ZNF282: variants seen among roughly 807,000 people sequenced by gnomAD.
The protein encoded by ZNF282 is HTLV-I U5 repressive element-binding protein 1.
Under a neutral mutation model 61.9 loss-of-function variants are expected in ZNF282, and 30 were observed. The ratio of observed to expected loss-of-function variants is 0.48; its 90% CI spans 0.36 to 0.66. The LOEUF is 0.66. Among genes scored for constraint, ZNF282 ranks in the 30% least tolerant of loss-of-function variants. The probability of loss-of-function intolerance (pLI) is 0.00; values close to 1 mark genes in which losing one functional copy is unlikely to be tolerated. For missense variants in ZNF282, 788 were observed against 941.4 expected (o/e 0.84, Z 2.13); for synonymous variants, 396 against 405.0 (o/e 0.98, Z 0.27).
intron 6 of ZNF282, among the ~76,000 whole-genome samples, chr7:149,213,326 G>A (rs1022658522): frequency 7.2e-5 from 11 of 152,190 alleles, no homozygotes; most frequent in Non-Finnish European, 1.5e-4. Context: ...CTCTGCCATC[G>A]CTGGTTTCTA....
chr7:149,196,101 C>G (rs761106412), intron 1 of ZNF282, among the ~76,000 whole-genome samples: 1 of 152,070 alleles, frequency 6.6e-6, no homozygotes, highest in Non-Finnish European at 1.5e-5. Context: ...CCCTTTGCGC[C>G]CGGCCGGCGG....
At position 149,224,584 on chromosome 7, in the gene ZNF282, G is replaced by A. The variant is rs149955526; in HGVS notation, c.1953G>A (p.Val651=). Residue 651 remains valine (V), a synonymous_variant, in exon 8 of 8, where the codon GTG becomes GTA. Coordinates refer to ENST00000610704, the MANE Select transcript of ZNF282 (RefSeq NM_003575.4). ...AGTCGCTCAAGGACCACCTGCGCGT[G>A]CACAGCGGCGGCCCGGGCCCCGGCG... is the stretch of plus-strand genomic sequence containing the variant. The part of the protein sequence containing the change: ...YKESLKDHLR[V]HSGGPGPGAP... The A allele has an allele frequency of 3.8e-5, 60 of 1,585,690 alleles. No homozygotes were observed. Among genetic ancestry groups the A allele is most frequent in the Non-Finnish European group, 4.7e-5 (55 of 1,170,106 alleles).
chr7:149,217,335 C>G (rs1253275520), intron 7 of ZNF282, among the ~76,000 whole-genome samples: 2 of 151,996 alleles, frequency 1.3e-5, no homozygotes, highest in African/African-American at 4.8e-5. Context: ...TCAGGAGTTC[C>G]AGACCAGCCT....
At chr7:149,213,493 C>T (rs985854647) in intron 6 of ZNF282, among the ~76,000 whole-genome samples, 1 of 152,122 alleles carries the variant, frequency 6.6e-6, no homozygotes, top group African/African-American at 2.4e-5. Flanking sequence ...GCTAAGCCTC[C>T]TTCTGGCCAA....
chr7:149,207,048 A>G (rs1403262978), intron 3 of ZNF282, among the ~76,000 whole-genome samples: 2 of 152,202 alleles, frequency 1.3e-5, no homozygotes, highest in Non-Finnish European at 2.9e-5. Context: ...ACGTTACACC[A>G]CTACCACGTT....
chr7:149,219,919 G>A (rs1222683738), intron 7 of ZNF282, among the ~76,000 whole-genome samples: 1 of 152,114 alleles, frequency 6.6e-6, no homozygotes, highest in Non-Finnish European at 1.5e-5. Context: ...AGAATGGGAG[G>A]TGAAGAAGTG....
intron 7 of ZNF282, among the ~76,000 whole-genome samples, chr7:149,220,469 G>A (rs1796227180): frequency 6.6e-6 from 1 of 152,268 alleles, no homozygotes. Context: ...AAGTCCTAAG[G>A]TAGGTCAGGT....
chr7:149,207,201 C>CA (rs34887436), intron 3 of ZNF282, 150 bp from the exon 4 acceptor site: 15 of 1,000,656 alleles, frequency 1.5e-5, no homozygotes, highest in Non-Finnish European at 2.0e-5. Context: ...GACTCGTTTT[C>CA]AGATTACCCG....
At chr7:149,221,606 C>T (rs1401211493) in intron 7 of ZNF282, among the ~76,000 whole-genome samples, 1 of 152,136 alleles carries the variant, frequency 6.6e-6, no homozygotes, top group Non-Finnish European at 1.5e-5. Flanking sequence ...GCCACAGAGG[C>T]CACAGCGATC....
chr7:149,223,216 C>T (rs1044792989), intron 7 of ZNF282, among the ~76,000 whole-genome samples: 6 of 151,960 alleles, frequency 3.9e-5, no homozygotes, highest in African/African-American at 9.7e-5. Flanking sequence ...TAAGGTGATC[C>T]GCCCACCTCG....
chr7:149,213,396 C>T (rs1409123656), intron 6 of ZNF282, among the ~76,000 whole-genome samples: 2 of 152,192 alleles, frequency 1.3e-5, no homozygotes, highest in African/African-American at 2.4e-5. Context: ...TCTGGCCTGT[C>T]CTGGCCCCAT....
chr7:149,195,588 G>A lies in ZNF282; in HGVS notation c.-2G>A. On this transcript the variant is annotated 5_prime_UTR_variant, in exon 1 of 8. Transcript: ENST00000610704. ...ACCCGAGCGGGGAACAGCACTCCCA[G>A]GATGCAGTTTGTGTCAACACGGCCG... The A allele has an allele frequency of 6.2e-7, 1 of 1,610,488 alleles. No homozygotes were observed. Among genetic ancestry groups the A allele is most frequent in the Non-Finnish European group, 8.5e-7 (1 of 1,178,692 alleles).
chr7:149,220,761 G>C (rs1202812316), intron 7 of ZNF282, among the ~76,000 whole-genome samples: 3 of 151,964 alleles, frequency 2.0e-5, no homozygotes, highest in Non-Finnish European at 4.4e-5. Flanking sequence ...TTACCAGCCA[G>C]TGACTGGAAA....
chr7:149,224,344 G>A lies in ZNF282; in HGVS notation c.1713G>A (p.Glu571=), dbSNP rs773874342. Residue 571 remains glutamate (E), a synonymous_variant, in exon 8 of 8, where the codon GAG becomes GAA. Transcript: ENST00000610704. ...LIRHQMTHRG[E]RPYKCSECEK... ...GCCACCAGATGACGCACCGCGGCGA[G>A]CGGCCCTACAAGTGCTCGGAGTGCG... is the stretch of plus-strand genomic sequence containing the variant. 2.7e-5 allele frequency: 43 copies of A among 1,613,752 alleles called. No homozygotes were observed. Among genetic ancestry groups the A allele is most frequent in the Non-Finnish European group, 3.6e-5 (42 of 1,179,948 alleles).
At chr7:149,199,148 C>T (rs1273264748) in intron 2 of ZNF282, among the ~76,000 whole-genome samples, 2 of 152,212 alleles carry the variant, frequency 1.3e-5, no homozygotes, top group Non-Finnish European at 2.9e-5. Context: ...TCAAACCAGG[C>T]TGCCTGGAGT....
intron 4 of ZNF282, among the ~76,000 whole-genome samples, chr7:149,207,701 G>A (rs1347667998): frequency 1.3e-5 from 2 of 152,200 alleles, no homozygotes; most frequent in African/African-American, 2.4e-5. Context: ...TGTTAAAGCC[G>A]CGTAGCTCTG....
intron 7 of ZNF282, 88 bp from the exon 8 acceptor site, chr7:149,223,724 A>G: frequency 7.5e-7 from 1 of 1,329,394 alleles, no homozygotes; most frequent in South Asian, 1.9e-5. Flanking sequence ...AGGCTCAGAT[A>G]GCATGCTCCC....
chr7:149,213,653 G>A (rs750662958), intron 6 of ZNF282, 48 bp from the exon 7 acceptor site: 15 of 1,440,908 alleles, frequency 1.0e-5, no homozygotes, highest in South Asian at 7.1e-5. Context: ...ATGGGAGGCC[G>A]AGTAGAACTG....
chr7:149,213,563 A>G, intron 6 of ZNF282, 138 bp from the exon 7 acceptor site: 1 of 650,262 alleles, frequency 1.5e-6, no homozygotes, highest in Non-Finnish European at 2.8e-6. Flanking sequence ...GGTAAGGAGG[A>G]TGGCCTGGAA....
Sources: allele counts gnomAD v4.1 joint callset (sites outside exome capture counted in the v4.1 genomes callset), GRCh38; gene constraint gnomAD v4.1.1; transcripts MANE v1.5; gene names NCBI Gene and HGNC (gene_info 2026-07-23, HGNC 2026-07-21).